The following ERI3 variants were observed in gnomAD, a reference collection of about 807,000 sequenced individuals.
ERI3 encodes the protein ERI1 exoribonuclease 3.
ERI3 carries 18 observed loss-of-function variants against 44.4 expected under a neutral mutation model. The ratio of observed to expected loss-of-function variants is 0.41; its 90% CI spans 0.28 to 0.60. ERI3 has a LOEUF of 0.60. Among genes scored for constraint, ERI3 ranks in the 20% least tolerant of loss-of-function variants. The pLI, the probability that ERI3 is intolerant of heterozygous loss-of-function variation, is 0.36. For synonymous variants in ERI3, 183 were observed against 164.8 expected (o/e 1.11, Z -0.84); for missense variants, 294 against 435.5 (o/e 0.68, Z 2.89).
chr1:44,227,404 T>A (rs1340317555), intron 8 of ERI3, among the ~76,000 whole-genome samples: 3 of 152,064 alleles, frequency 2.0e-5, no homozygotes, highest in Non-Finnish European at 2.9e-5. Flanking sequence ...GTGTCCACGT[T>A]CTAGAACCTC....
chr1:44,273,428 A>G (rs756840063), intron 7 of ERI3, among the ~76,000 whole-genome samples: 1 of 152,234 alleles, frequency 6.6e-6, no homozygotes, highest in Non-Finnish European at 1.5e-5. Context: ...GCCTTTAGGC[A>G]AGTTTCTTCA....
chr1:44,332,979 T>C (rs1450983601), intron 3 of ERI3, among the ~76,000 whole-genome samples: 8 of 152,170 alleles, frequency 5.3e-5, no homozygotes, highest in African/African-American at 1.9e-4. Flanking sequence ...TGTGTTAAAG[T>C]AGAGATATAA....
intron 2 of ERI3, among the ~76,000 whole-genome samples, chr1:44,344,434 A>C (rs761527508): frequency 6.6e-6 from 1 of 152,066 alleles, no homozygotes; most frequent in Non-Finnish European, 1.5e-5. Flanking sequence ...CTCTCAGCCC[A>C]AACAGTATCT....
intron 3 of ERI3, among the ~76,000 whole-genome samples, chr1:44,334,642 CAT>C (rs1646497327): frequency 6.6e-6 from 1 of 152,186 alleles, no homozygotes; most frequent in African/African-American, 2.4e-5. Flanking sequence ...TGAATCAAAA[CAT>C]GTAACACAAA....
rs956676413 is a variant in ERI3 at position 44,340,335 on chromosome 1, T to C, written c.212-1013A>G. On this transcript the variant is annotated intron_variant, in intron 2 of 8. Coordinates refer to ENST00000372257, the MANE Select transcript of ERI3 (RefSeq NM_024066.3). ...AGAAATGTTGTCTTTCTCCCTTTAA[T>C]ACTCAACATTCAAATTTCTCTCAAC... Among the ~76,000 whole-genome samples the C allele has an allele frequency of 3.9e-5, 6 of 152,196 alleles. No homozygotes were observed. In the East Asian group the frequency reaches 5.8e-4, roughly 15 times the overall value.
At chr1:44,238,396 G>GGTCCT (rs1409147807) in intron 8 of ERI3, among the ~76,000 whole-genome samples, 1 of 152,174 alleles carries the variant, frequency 6.6e-6, no homozygotes, top group Non-Finnish European at 1.5e-5. Flanking sequence ...CGGCCTGGGT[G>GGTCCT]TCAGCGCAGG....
At chr1:44,286,758 AG>A (rs1488845234) in intron 6 of ERI3, among the ~76,000 whole-genome samples, 1 of 152,202 alleles carries the variant, frequency 6.6e-6, no homozygotes, top group Non-Finnish European at 1.5e-5. Context: ...ATGGGTCCAA[AG>A]TATGTCTTTA....
chr1:44,316,358 A>G (rs1418176075), intron 4 of ERI3, among the ~76,000 whole-genome samples: 1 of 152,196 alleles, frequency 6.6e-6, no homozygotes, highest in East Asian at 1.9e-4. Flanking sequence ...GAGGGATTAC[A>G]GATTAACTCC....
intron 8 of ERI3, among the ~76,000 whole-genome samples, chr1:44,236,715 C>T (rs1253123627): frequency 6.6e-6 from 1 of 152,022 alleles, no homozygotes; most frequent in Non-Finnish European, 1.5e-5. Flanking sequence ...CAGCAGAGGA[C>T]AGAGGCTGTG....
At chr1:44,347,024 A>G (rs1646797840) in intron 2 of ERI3, among the ~76,000 whole-genome samples, 1 of 152,150 alleles carries the variant, frequency 6.6e-6, no homozygotes, top group African/African-American at 2.4e-5. Flanking sequence ...AGAATGGGTA[A>G]GAATATTCGC....
chr1:44,303,053 C>CTT lies in ERI3; in HGVS notation c.758+5256_758+5257insAA, dbSNP rs533193257. ...TGGTAAGTAATAAGTGCTCAATAAA[C>CTT]ACTCTCTTTATTCTCTGATGTTCAC... On this transcript the variant is annotated intron_variant, in intron 6 of 8. Coordinates refer to ENST00000372257, the MANE Select transcript of ERI3 (RefSeq NM_024066.3). 1.5e-4 allele frequency among the ~76,000 whole-genome samples: 23 copies of CTT among 152,348 alleles called. No homozygotes were observed. The East Asian group carries it at 4.4e-3, about 29-fold the overall frequency.
At chr1:44,295,270 C>G (rs1645587277) in intron 6 of ERI3, among the ~76,000 whole-genome samples, 1 of 152,058 alleles carries the variant, frequency 6.6e-6, no homozygotes, top group Non-Finnish European at 1.5e-5. Flanking sequence ...CTTTAAAATT[C>G]TGTTCAAAAG....
intron 3 of ERI3, 37 bp downstream of exon 3, chr1:44,339,008 C>G (rs182581178): frequency 6.2e-7 from 1 of 1,600,154 alleles, no homozygotes; most frequent in South Asian, 1.1e-5. Flanking sequence ...CCTCCTTGCC[C>G]CCCCCACCTT....
chr1:44,266,837 T>C (rs1350958481), intron 7 of ERI3, among the ~76,000 whole-genome samples: 1 of 152,246 alleles, frequency 6.6e-6, no homozygotes, highest in Non-Finnish European at 1.5e-5. Flanking sequence ...CTGCCCTCAG[T>C]GCCTTACGCA....
chr1:44,307,977 T>C (rs1158764580), intron 6 of ERI3, among the ~76,000 whole-genome samples: 4 of 152,206 alleles, frequency 2.6e-5, no homozygotes, highest in Admixed American at 2.6e-4. Context: ...AAACATGGTA[T>C]TTGGCTTAAA....
chr1:44,308,232 C>T (rs1645881363), intron 6 of ERI3, 78 bp downstream of exon 6: 11 of 1,003,578 alleles, frequency 1.1e-5, no homozygotes, highest in Non-Finnish European at 1.8e-5. Flanking sequence ...GCCTTGTAGA[C>T]ATTTAAGCCT....
At chr1:44,272,880 A>ATAAAC (rs1166667533) in intron 7 of ERI3, among the ~76,000 whole-genome samples, 5 of 151,200 alleles carry the variant, frequency 3.3e-5, no homozygotes, top group East Asian at 3.9e-4. Context: ...ATAAAATAAA[A>ATAAAC]TAAACTACAA....
chr1:44,319,264 C>G (rs1485245533), intron 4 of ERI3, among the ~76,000 whole-genome samples: 1 of 152,264 alleles, frequency 6.6e-6, no homozygotes, highest in East Asian at 1.9e-4. Context: ...AAGGCCTGAA[C>G]ATAACCCTGC....
At chr1:44,354,531 C>T in intron 1 of ERI3, 1 of 985,410 alleles carries the variant, frequency 1.0e-6, no homozygotes. Flanking sequence ...TCACTACTAC[C>T]ACCGCTTCAG....
Sources: allele counts gnomAD v4.1 joint callset (sites outside exome capture counted in the v4.1 genomes callset), GRCh38; gene constraint gnomAD v4.1.1; transcripts MANE v1.5; gene names NCBI Gene and HGNC (gene_info 2026-07-23, HGNC 2026-07-21).